The following TNFSF4 variants were observed in gnomAD, a reference collection of about 807,000 sequenced individuals.
The protein encoded by TNFSF4 is tumor necrosis factor ligand superfamily member 4.
TNFSF4 carries 4 observed loss-of-function variants against 7.3 expected under a neutral mutation model. The observed-to-expected ratio is 0.55, with a 90% CI of 0.27 to 1.25. The LOEUF is 1.25. Ranked by LOEUF, TNFSF4 falls within the 50% of genes most tolerant of loss-of-function variation. TNFSF4 has a pLI of 0.12. For missense variants in TNFSF4, 181 were observed against 208.8 expected (o/e 0.87, Z 0.82); for synonymous variants, 76 against 83.7 (o/e 0.91, Z 0.50).
chr1:173,351,197 A>T, the TNFSF4 span, among the ~76,000 whole-genome samples: 1 of 152,246 alleles, frequency 6.6e-6, no homozygotes, highest in South Asian at 2.1e-4. Flanking sequence ...TTCTTTCTCC[A>T]TGAACATATC....
the TNFSF4 span, among the ~76,000 whole-genome samples, chr1:173,414,888 G>A: frequency 4.6e-5 from 7 of 152,274 alleles, no homozygotes; most frequent in East Asian, 7.7e-4. Flanking sequence ...AACTTTAGTC[G>A]GGTTCCCTGA....
At chr1:173,323,572 A>G in the TNFSF4 span, among the ~76,000 whole-genome samples, 1 of 152,238 alleles carries the variant, frequency 6.6e-6, no homozygotes, top group Non-Finnish European at 1.5e-5. Flanking sequence ...TCTGAGCTAA[A>G]GGAGGAAGTT....
intron 1 of TNFSF4, among the ~76,000 whole-genome samples, chr1:173,200,460 T>C (rs1649897160): frequency 6.6e-6 from 1 of 152,158 alleles, no homozygotes; most frequent in Non-Finnish European, 1.5e-5. Flanking sequence ...ACGGTTTGAG[T>C]TTAGGTTTTA....
chr1:173,174,711 T>A, the TNFSF4 span: 1 of 152,076 alleles, frequency 6.6e-6, no homozygotes, highest in Non-Finnish European at 1.5e-5. Flanking sequence ...TCCCACGAGA[T>A]CCCACCCCAG....
upstream of TNFSF4, among the ~76,000 whole-genome samples, chr1:173,209,314 A>G (rs10489266): frequency 0.078 from 11,806 of 152,236 alleles, 535 homozygotes; most frequent in Middle Eastern, 0.16. Context: ...AGGCATTCCA[A>G]AGTTCATCAC....
the TNFSF4 span, among the ~76,000 whole-genome samples, chr1:173,224,247 C>A: frequency 6.6e-6 from 1 of 152,234 alleles, no homozygotes; most frequent in Middle Eastern, 3.4e-3. Context: ...ACTAGATGTA[C>A]GCTCAGGAAT....
the TNFSF4 span, among the ~76,000 whole-genome samples, chr1:173,218,082 G>A: frequency 2.0e-5 from 3 of 151,996 alleles, no homozygotes; most frequent in African/African-American, 7.3e-5. Context: ...TATTTGTATT[G>A]GACAGTGCTG....
At chr1:173,329,438 C>G in the TNFSF4 span, among the ~76,000 whole-genome samples, 7 of 152,070 alleles carry the variant, frequency 4.6e-5, no homozygotes, top group Non-Finnish European at 5.9e-5. Flanking sequence ...TACTTTTTAT[C>G]TGCAGTTGGT....
the TNFSF4 span, among the ~76,000 whole-genome samples, chr1:173,445,263 C>T: frequency 8.5e-5 from 13 of 152,156 alleles, no homozygotes; most frequent in Non-Finnish European, 1.5e-5. Flanking sequence ...AAAACTGAAA[C>T]AGCAATTTGC....
the TNFSF4 span, among the ~76,000 whole-genome samples, chr1:173,356,155 G>A: frequency 6.6e-6 from 1 of 152,190 alleles, no homozygotes. Context: ...ACTTAATGTG[G>A]GGGAGGGATG....
At chr1:173,190,106 C>G (rs1262928961) in intron 1 of TNFSF4, among the ~76,000 whole-genome samples, 1 of 151,688 alleles carries the variant, frequency 6.6e-6, no homozygotes, top group East Asian at 1.9e-4. Flanking sequence ...ATCCCAGCTT[C>G]TTGGGAGGTT....
At chr1:173,378,701 A>T in the TNFSF4 span, among the ~76,000 whole-genome samples, 2 of 152,302 alleles carry the variant, frequency 1.3e-5, no homozygotes, top group African/African-American at 4.8e-5. Flanking sequence ...TCATCGAGGG[A>T]GAATACACAA....
chr1:173,378,007 G>C, the TNFSF4 span, among the ~76,000 whole-genome samples: 1 of 152,188 alleles, frequency 6.6e-6, no homozygotes, highest in Non-Finnish European at 1.5e-5. Context: ...TCGAGAATGT[G>C]TCAGTAAGGG....
the TNFSF4 span, among the ~76,000 whole-genome samples, chr1:173,334,474 C>T: frequency 6.6e-6 from 1 of 152,300 alleles, no homozygotes; most frequent in South Asian, 2.1e-4. Context: ...TATATTTGCC[C>T]TAACAGAGTT....
At chr1:173,375,736 G>A in the TNFSF4 span, among the ~76,000 whole-genome samples, 2 of 152,226 alleles carry the variant, frequency 1.3e-5, no homozygotes, top group African/African-American at 2.4e-5. Flanking sequence ...AATAGAACAT[G>A]CGAGGGGACA....
chr1:173,316,350 G>A, the TNFSF4 span, among the ~76,000 whole-genome samples: 1 of 151,912 alleles, frequency 6.6e-6, no homozygotes, highest in Non-Finnish European at 1.5e-5. Flanking sequence ...TTATAATAAA[G>A]GAATAAACTT....
At chr1:173,439,738 C>T in the TNFSF4 span, among the ~76,000 whole-genome samples, 3 of 152,208 alleles carry the variant, frequency 2.0e-5, no homozygotes, top group Non-Finnish European at 4.4e-5. Context: ...CTTCTGCAGG[C>T]TTGCTTGTGA....
At chr1:173,354,498 G>C in the TNFSF4 span, among the ~76,000 whole-genome samples, 4 of 152,158 alleles carry the variant, frequency 2.6e-5, no homozygotes, top group African/African-American at 9.6e-5. Flanking sequence ...TATGAGGCCA[G>C]CATCATCCTA....
chr1:173,401,209 T>C, the TNFSF4 span, among the ~76,000 whole-genome samples: 1,510 of 152,336 alleles, frequency 9.9e-3, 27 homozygotes, highest in African/African-American at 0.035. Flanking sequence ...AAAAAGGTTA[T>C]ACATTTTGTT....
Sources: gnomAD v4.1 joint callset for allele counts (sites outside exome capture counted in the v4.1 genomes callset) on GRCh38, gnomAD v4.1.1 for gene constraint, MANE v1.5 for transcripts, NCBI Gene and HGNC (gene_info 2026-07-23, HGNC 2026-07-21) for gene names.